Variants in KNTC1 observed in about 807,000 individuals in gnomAD.
KNTC1 encodes kinetochore associated 1, also known as kinetochore-associated protein 1.
In KNTC1, 253 loss-of-function variants were observed where a neutral mutation model predicts 314.4. The ratio of observed to expected loss-of-function variants is 0.80; its 90% CI spans 0.73 to 0.89. The LOEUF is 0.89. Ranked by LOEUF, KNTC1 falls within the 40% of genes least tolerant of loss-of-function variation. KNTC1 has a pLI of 0.00. For synonymous variants in KNTC1, 901 were observed against 901.4 expected (o/e 1.00, Z 0.01); for missense variants, 2,475 against 2,572.9 (o/e 0.96, Z 0.82).
At chr12:122,586,179 T>A (rs1273799875) in intron 37 of KNTC1, among the ~76,000 whole-genome samples, 1 of 152,136 alleles carries the variant, frequency 6.6e-6, no homozygotes, top group Non-Finnish European at 1.5e-5. Flanking sequence ...GCCTCCTGGG[T>A]TCAAGCAATT....
At chr12:122,571,165 A>C in intron 24 of KNTC1, 39 bp downstream of exon 24, 1 of 1,432,124 alleles carries the variant, frequency 7.0e-7, no homozygotes, top group Non-Finnish European at 9.8e-7. Flanking sequence ...TGAAACAGTC[A>C]GTTTACCTGA....
In KNTC1 at chr12:122,613,757, C is replaced by G. The variant is rs765331209; in HGVS notation, c.5873C>G (p.Ser1958Cys). 2.5e-6 allele frequency: 4 copies of G among 1,607,814 alleles called. No homozygotes were observed. The South Asian group carries it at 4.5e-5, about 18-fold the overall frequency. The stretch of plus-strand genomic sequence containing the variant: ...CTGTGGAAAAACCACAGCCACGAGT[C>G]CATGGTAGGTACACCTCACTGCCCC... The part of the protein sequence containing the change: ...KGLWKNHSHE[S>C]MAVRLVTELC... Residue 1958 changes from serine (S) to cysteine (C), a missense_variant, in exon 55 of 64, where the codon TCC (serine) becomes TGC (cysteine). Coordinates refer to ENST00000333479, the MANE Select transcript of KNTC1 (RefSeq NM_014708.6).
Position 122,590,710 on chromosome 12 carries a change from C to T in KNTC1, c.4103C>T (p.Ala1368Val), listed in dbSNP as rs762475893. 1.2e-6 allele frequency: 2 copies of T among 1,612,944 alleles called. No individual in the cohort carries two copies. The highest frequency in any genetic ancestry group is 3.3e-5 in the Admixed American group (2 of 59,932). ...FENLWKLIDKAWQNYDKILAI... is the reference protein window; with the variant it reads ...FENLWKLIDKVWQNYDKILAI... ...AATCTCTGGAAGCTCATAGATAAAGCATGGCAGAATTACGACAAAATCTTG... is the reference window on the plus strand; with the variant it reads ...AATCTCTGGAAGCTCATAGATAAAGTATGGCAGAATTACGACAAAATCTTG... The change falls in exon 41 of 64, where the codon GCA becomes GTA. Residue 1368 changes from alanine (A) to valine (V), a missense_variant. By Grantham distance (64) the Ala-to-Val change is moderately conservative (BLOSUM62 0). Transcript: ENST00000333479.
chr12:122,581,741 C>T (rs909214597), intron 33 of KNTC1, among the ~76,000 whole-genome samples: 29 of 152,108 alleles, frequency 1.9e-4, no homozygotes, highest in Non-Finnish European at 1.5e-4. Flanking sequence ...GCGATCTGCC[C>T]GCCTCAGCCT....
intron 2 of KNTC1, among the ~76,000 whole-genome samples, chr12:122,534,385 C>T (rs542210639): frequency 6.6e-6 from 1 of 152,154 alleles, no homozygotes; most frequent in African/African-American, 2.4e-5. Flanking sequence ...TACCTGGCTC[C>T]TGCAGCATAA....
At chr12:122,566,217 A>C (rs7300796) in intron 20 of KNTC1, among the ~76,000 whole-genome samples, 2 of 151,396 alleles carry the variant, frequency 1.3e-5, no homozygotes, top group Non-Finnish European at 2.9e-5. Context: ...CTGGGATTAC[A>C]AGCGTGAGCC....
At chr12:122,610,007 C>T (rs554300021) in intron 52 of KNTC1, among the ~76,000 whole-genome samples, 1 of 152,270 alleles carries the variant, frequency 6.6e-6, no homozygotes, top group African/African-American at 2.4e-5. Context: ...CTAGCCTAAA[C>T]CAAAAGTAAG....
chr12:122,582,911 A>G lies in KNTC1; in HGVS notation c.3189A>G (p.Lys1063=). Residue 1063 remains lysine (K), a synonymous_variant, in exon 34 of 64, where the codon AAA becomes AAG. Transcript: ENST00000333479. ...HRQALALQMS[K]QELEAELTLR... ...AGGCACTGGCCCTGCAGATGTCCAA[A>G]CAAGAGCTGGAGGCAGAGCTGACCT... The G allele has an allele frequency of 6.2e-7, 1 of 1,613,598 alleles. No individual in the cohort carries two copies. The highest frequency in any genetic ancestry group is 1.3e-5 in the African/African-American group (1 of 75,032).
Position 122,577,769 on chromosome 12 carries a change from A to G in KNTC1, c.2819A>G (p.Glu940Gly). ...ATATGGGCACGACTGGCATTACAAG[A>G]AGAGCCAGATCATTCTAAAGAGGTG... ...VIIWARLALQ[E>G]EPDHSKEGKA... The change falls in exon 31 of 64, where the codon GAA (glutamate) becomes GGA (glycine). Residue 940 changes from glutamate (E) to glycine (G), a missense_variant. By Grantham distance (98) the Glu-to-Gly change is moderately conservative (BLOSUM62 -2). Transcript: ENST00000333479. 6.2e-7 allele frequency: 1 copy of G among 1,613,504 alleles called. No homozygotes were observed. The highest frequency in any genetic ancestry group is 8.5e-7 in the Non-Finnish European group (1 of 1,179,668).
intron 33 of KNTC1, among the ~76,000 whole-genome samples, 155 bp downstream of exon 33, chr12:122,580,825 G>A (rs1247073999): frequency 3.3e-5 from 5 of 152,090 alleles, no homozygotes; most frequent in East Asian, 1.9e-4. Flanking sequence ...TCAGGAGATC[G>A]AGATCATCCT....
chr12:122,562,620 AAATT>A lies in KNTC1; in HGVS notation c.1543-16_1543-13del. On this transcript the variant is annotated splice_polypyrimidine_tract_variant and intron_variant, in intron 19 of 63. Transcript: ENST00000333479. ...TTGTTGCATATAAATTCAGATTATTAAATTATTTTTTCTTCAGGTGCTAAGAGCT... is the reference window on the plus strand; with the variant it reads ...TTGTTGCATATAAATTCAGATTATTAATTTTTTCTTCAGGTGCTAAGAGCT... The A allele has an allele frequency of 6.9e-7, 1 of 1,452,070 alleles. No homozygotes were observed. The highest frequency in any genetic ancestry group is 9.6e-7 in the Non-Finnish European group (1 of 1,039,322). The allele number at this position is 1,452,070 out of a possible 1,614,324, so 89.9% of individuals were successfully genotyped here.
At position 122,615,526 on chromosome 12, in the gene KNTC1, G is replaced by C; in HGVS notation, c.6030G>C (p.Gln2010His). Reference sequence around the variant, plus strand: ...TCTCCAGTATCCATTCTTTATGGCAGGTATGTAGTTTTTTAAAATAAATTT... The same window carrying C: ...TCTCCAGTATCCATTCTTTATGGCACGTATGTAGTTTTTTAAAATAAATTT... ...KAISSIHSLW[Q>H]VPYFSKAWQR... Residue 2010 changes from glutamine to histidine, a missense_variant and splice_region_variant, in exon 57 of 64, where the codon CAG (glutamine) becomes CAC (histidine). By Grantham distance (24) the Gln-to-His change is conservative. Transcript: ENST00000333479. 1 of 1,520,888 alleles carries C rather than the reference G, an allele frequency of 6.6e-7. No homozygotes were observed. Among genetic ancestry groups the C allele is most frequent in the Non-Finnish European group, 8.9e-7 (1 of 1,128,308 alleles). The allele number at this position is 1,520,888 out of a possible 1,614,324, so 94.2% of individuals were successfully genotyped here. A position where few individuals can be genotyped will look rare whatever the true frequency, so the allele number is the denominator to read the frequency against.
At chr12:122,562,023 TA>T in intron 19 of KNTC1, 49 bp downstream of exon 19, 1 of 1,536,696 alleles carries the variant, frequency 6.5e-7, no homozygotes, top group Non-Finnish European at 8.9e-7. Flanking sequence ...TATACCTTTA[TA>T]ATATGTTTTC....
In KNTC1 at chr12:122,563,767, G is replaced by A. The variant is rs529653740; in HGVS notation, c.1604+1068G>A. On this transcript the variant is annotated intron_variant, in intron 20 of 63. Coordinates refer to ENST00000333479, the MANE Select transcript of KNTC1 (RefSeq NM_014708.6). ...AGAATGATCTGGCTCTTCTTGTAAC[G>A]CCAGTCGTGCCCATATGATGACTCT... The A allele has an allele frequency of 1.5e-5, 22 of 1,452,306 alleles. No individual in the cohort carries two copies. In the African/African-American group the frequency reaches 2.2e-4, roughly 14 times the overall value. The allele number at this position is 1,452,306 out of a possible 1,614,324, so 90.0% of individuals were successfully genotyped here.
At position 122,586,698 on chromosome 12, in the gene KNTC1, T is replaced by C; in HGVS notation, c.3674-3T>C. ...TTGTTTAATGTTTTATTATCTTTTGTAGAAAGCAAGAGATATCCCTTGGAG... is the reference window on the plus strand; with the variant it reads ...TTGTTTAATGTTTTATTATCTTTTGCAGAAAGCAAGAGATATCCCTTGGAG... On this transcript the variant is annotated splice_region_variant and splice_polypyrimidine_tract_variant and intron_variant, in intron 37 of 63. Transcript: ENST00000333479. The C allele has an allele frequency of 6.9e-7, 1 of 1,447,016 alleles. No individual in the cohort carries two copies. Among genetic ancestry groups the C allele is most frequent in the Non-Finnish European group, 9.3e-7 (1 of 1,080,976 alleles). The allele number at this position is 1,447,016 out of a possible 1,614,324, so 89.6% of individuals were successfully genotyped here. A position where few individuals can be genotyped will look rare whatever the true frequency, so the allele number is the denominator to read the frequency against.
At chr12:122,546,093 T>C (rs1044948911) in intron 8 of KNTC1, 83 bp from the exon 9 acceptor site, 10 of 783,936 alleles carry the variant, frequency 1.3e-5, no homozygotes, top group African/African-American at 8.8e-5. Context: ...TAGTAACCTA[T>C]AAAACTTACA....
intron 15 of KNTC1, 31 bp downstream of exon 15, chr12:122,551,554 CT>C: frequency 6.2e-7 from 1 of 1,604,274 alleles, no homozygotes; most frequent in Non-Finnish European, 8.5e-7. Context: ...AAGCTTTATC[CT>C]TTAGTGAATA....
Position 122,531,791 on chromosome 12 carries a change from T to A in KNTC1, c.129+1599T>A, listed in dbSNP as rs1023727279. 2.6e-5 allele frequency among the ~76,000 whole-genome samples: 4 copies of A among 152,154 alleles called. No homozygotes were observed. In the East Asian group the frequency reaches 7.7e-4, roughly 29 times the overall value. On this transcript the variant is annotated intron_variant, in intron 2 of 63. Coordinates refer to ENST00000333479, the MANE Select transcript of KNTC1 (RefSeq NM_014708.6). ...CTCTGTCGCCCAGGCTGGAGTACAG[T>A]GGCATGATCTCAGCTCACTGCAAGC...
intron 2 of KNTC1, among the ~76,000 whole-genome samples, chr12:122,531,376 T>C (rs1484646385): frequency 6.6e-6 from 1 of 151,990 alleles, no homozygotes; most frequent in Non-Finnish European, 1.5e-5. Context: ...TACTAAAAAT[T>C]TTCGTATTTT....
Sources: allele counts gnomAD v4.1 joint callset (sites outside exome capture counted in the v4.1 genomes callset), GRCh38; gene constraint gnomAD v4.1.1; transcripts MANE v1.5; gene names NCBI Gene and HGNC (gene_info 2026-07-23, HGNC 2026-07-21).